The following SGCD variants were observed in gnomAD, a reference collection of about 807,000 sequenced individuals.
The protein encoded by SGCD is sarcoglycan delta.
SGCD carries 18 observed loss-of-function variants against 36.6 expected under a neutral mutation model. That is an observed-to-expected ratio of 0.49 (90% CI 0.34 to 0.73). The LOEUF (loss-of-function observed/expected upper bound fraction) is 0.73, where lower values mean the gene tolerates loss of function less well. Ranked by LOEUF, SGCD falls within the 30% of genes least tolerant of loss-of-function variation. SGCD has a pLI of 0.01. For missense variants in SGCD, 387 were observed against 346.7 expected (o/e 1.12, Z -0.92); for synonymous variants, 133 against 130.6 (o/e 1.02, Z -0.12).
intron 1 of SGCD, among the ~76,000 whole-genome samples, chr5:155,951,973 AC>A (rs1757557303): frequency 6.6e-6 from 1 of 152,156 alleles, no homozygotes; most frequent in South Asian, 2.1e-4. Context: ...TCTCAGCCTC[AC>A]CCTGGTGCTG....
intron 4 of SGCD, among the ~76,000 whole-genome samples, chr5:156,539,103 T>C (rs1381446414): frequency 6.6e-6 from 1 of 152,030 alleles, no homozygotes; most frequent in Non-Finnish European, 1.5e-5. Flanking sequence ...CTTACTTTGC[T>C]GATATCTATG....
intron 1 of SGCD, among the ~76,000 whole-genome samples, chr5:156,069,804 G>T (rs1048356701): frequency 3.3e-5 from 5 of 151,796 alleles, no homozygotes; most frequent in Admixed American, 1.3e-4. Flanking sequence ...CTTTTATTTT[G>T]TTGAGCAGTG....
chr5:156,646,813 T>C (rs1763243451), intron 6 of SGCD, among the ~76,000 whole-genome samples: 1 of 152,166 alleles, frequency 6.6e-6, no homozygotes, highest in Non-Finnish European at 1.5e-5. Flanking sequence ...AAATTTCGAC[T>C]GGTGTTGACA....
chr5:155,804,888 A>T, the SGCD span, among the ~76,000 whole-genome samples: 1 of 152,206 alleles, frequency 6.6e-6, no homozygotes, highest in East Asian at 1.9e-4. Context: ...TAGGTTGAAC[A>T]TAGGTGTTGC....
intron 3 of SGCD, among the ~76,000 whole-genome samples, chr5:156,236,451 C>CT (rs34510001): frequency 0.25 from 35,774 of 142,098 alleles, 4,849 homozygotes; most frequent in East Asian, 0.61. Flanking sequence ...AATTCGTATA[C>CT]TTTTTTTTTT....
At chr5:156,425,669 T>C (rs1773639923) in intron 3 of SGCD, among the ~76,000 whole-genome samples, 1 of 151,982 alleles carries the variant, frequency 6.6e-6, no homozygotes, top group South Asian at 2.1e-4. Context: ...ACCCGAGCAG[T>C]GTACACTGTA....
At chr5:155,794,122 G>A in the SGCD span, among the ~76,000 whole-genome samples, 1 of 152,168 alleles carries the variant, frequency 6.6e-6, no homozygotes, top group African/African-American at 2.4e-5. Context: ...ACACTGTAGG[G>A]GGAGTACACC....
intron 3 of SGCD, among the ~76,000 whole-genome samples, chr5:156,436,398 T>C (rs1347403446): frequency 1.3e-5 from 2 of 152,234 alleles, no homozygotes; most frequent in Non-Finnish European, 2.9e-5. Context: ...GTTCTTATCA[T>C]ATTGAAATCA....
At chr5:156,481,012 C>T (rs1278932881) in intron 3 of SGCD, among the ~76,000 whole-genome samples, 1 of 152,148 alleles carries the variant, frequency 6.6e-6, no homozygotes, top group Non-Finnish European at 1.5e-5. Flanking sequence ...TACATTATCA[C>T]AGTTTTGAAC....
intron 3 of SGCD, among the ~76,000 whole-genome samples, chr5:156,452,479 C>T (rs778444548): frequency 4.6e-5 from 7 of 152,086 alleles, no homozygotes; most frequent in Non-Finnish European, 1.0e-4. Context: ...AAAGAAGAAA[C>T]AAAGTACCCT....
At chr5:156,243,065 C>T (rs180961909) in intron 3 of SGCD, among the ~76,000 whole-genome samples, 4 of 152,210 alleles carry the variant, frequency 2.6e-5, no homozygotes, top group Non-Finnish European at 5.9e-5. Context: ...AACTTGACCA[C>T]GGAGAGGACT....
chr5:156,619,096 G>A (rs987986002), intron 6 of SGCD, among the ~76,000 whole-genome samples: 1 of 151,452 alleles, frequency 6.6e-6, no homozygotes, highest in African/African-American at 2.4e-5. Flanking sequence ...CGCCATCTTG[G>A]CTCACTGCAA....
chr5:156,441,751 G>C (rs1753500574), intron 3 of SGCD, among the ~76,000 whole-genome samples: 1 of 152,108 alleles, frequency 6.6e-6, no homozygotes, highest in Non-Finnish European at 1.5e-5. Flanking sequence ...AAATGTGTGT[G>C]GAATCTAGCC....
chr5:156,070,691 G>T (rs569217415), intron 1 of SGCD, among the ~76,000 whole-genome samples: 623 of 152,254 alleles, frequency 4.1e-3, no homozygotes, highest in Non-Finnish European at 6.9e-3. Flanking sequence ...GATTGGAATA[G>T]TTTCAGAAGG....
At chr5:155,818,596 C>G in the SGCD span, among the ~76,000 whole-genome samples, 1 of 152,202 alleles carries the variant, frequency 6.6e-6, no homozygotes, top group Non-Finnish European at 1.5e-5. Context: ...TCATGGCTCC[C>G]TGCAGCCTCA....
chr5:155,920,130 T>A (rs918241287), intron 1 of SGCD, among the ~76,000 whole-genome samples: 1 of 152,164 alleles, frequency 6.6e-6, no homozygotes, highest in African/African-American at 2.4e-5. Context: ...ACCTCAGCAA[T>A]GAAATGATCA....
At chr5:155,824,230 C>T in the SGCD span, among the ~76,000 whole-genome samples, 1 of 152,096 alleles carries the variant, frequency 6.6e-6, no homozygotes, top group African/African-American at 2.4e-5. Context: ...GGAATGTGGA[C>T]TGGGGAGCAA....
At chr5:156,552,231 T>C (rs1162711141) in intron 4 of SGCD, among the ~76,000 whole-genome samples, 1 of 152,274 alleles carries the variant, frequency 6.6e-6, no homozygotes, top group African/African-American at 2.4e-5. Flanking sequence ...AACATCAAGG[T>C]GAGAGCCTAT....
At chr5:156,393,103 A>G (rs534982852) in intron 3 of SGCD, among the ~76,000 whole-genome samples, 44 of 152,280 alleles carry the variant, frequency 2.9e-4, no homozygotes, top group Admixed American at 2.6e-3. Flanking sequence ...CCCCGCTTCC[A>G]TATCATTTAA....
Sources: allele counts gnomAD v4.1 joint callset (sites outside exome capture counted in the v4.1 genomes callset), GRCh38; gene constraint gnomAD v4.1.1; transcripts MANE v1.5; gene names NCBI Gene and HGNC (gene_info 2026-07-23, HGNC 2026-07-21).